RCAN2: variants seen among roughly 807,000 people sequenced by gnomAD.
The protein encoded by RCAN2 is regulator of calcineurin 2.
A neutral mutation model predicts 23.6 loss-of-function variants in RCAN2; 9 were observed. The ratio of observed to expected loss-of-function variants is 0.38; its 90% CI spans 0.23 to 0.67. The LOEUF (loss-of-function observed/expected upper bound fraction) is 0.67. Among genes scored for constraint, RCAN2 ranks in the 30% least tolerant of loss-of-function variants. The pLI is 0.51. For missense variants in RCAN2, 273 were observed against 302.3 expected (o/e 0.90, Z 0.72); for synonymous variants, 109 against 115.7 (o/e 0.94, Z 0.37).
At chr6:46,475,071 T>A (rs1233259216) in intron 1 of RCAN2, among the ~76,000 whole-genome samples, 1 of 152,242 alleles carries the variant, frequency 6.6e-6, no homozygotes, top group African/African-American at 2.4e-5. Flanking sequence ...TGAGTTTTTT[T>A]ATTTTTCTGT....
chr6:46,425,599 T>A (rs528996021), intron 2 of RCAN2, among the ~76,000 whole-genome samples: 1 of 152,332 alleles, frequency 6.6e-6, no homozygotes, highest in South Asian at 2.1e-4. Flanking sequence ...TCTGCTGATG[T>A]CTTCTTGCTC....
intron 2 of RCAN2, among the ~76,000 whole-genome samples, chr6:46,262,868 G>A (rs936024635): frequency 2.0e-5 from 3 of 152,112 alleles, no homozygotes; most frequent in African/African-American, 7.2e-5. Flanking sequence ...GCCAGTAACA[G>A]CCTTTTCCTC....
intron 2 of RCAN2, among the ~76,000 whole-genome samples, chr6:46,432,808 T>C (rs1017992429): frequency 1.1e-4 from 17 of 152,206 alleles, no homozygotes; most frequent in Non-Finnish European, 4.4e-5. Context: ...GAAGGTGGGA[T>C]ATATGTGACC....
chr6:46,329,469 C>T (rs1183636445), intron 2 of RCAN2, among the ~76,000 whole-genome samples: 2 of 152,156 alleles, frequency 1.3e-5, no homozygotes, highest in Non-Finnish European at 2.9e-5. Flanking sequence ...ATTCTGCTCC[C>T]TGCTTATTCC....
chr6:46,359,666 C>T (rs1764943455), intron 2 of RCAN2, among the ~76,000 whole-genome samples: 2 of 152,036 alleles, frequency 1.3e-5, no homozygotes, highest in South Asian at 2.1e-4. Flanking sequence ...TAATCATGCT[C>T]TGAATGATTT....
At chr6:46,472,629 G>A (rs116639812) in intron 1 of RCAN2, among the ~76,000 whole-genome samples, 1 of 152,284 alleles carries the variant, frequency 6.6e-6, no homozygotes, top group Non-Finnish European at 1.5e-5. Flanking sequence ...TAATTGTGTA[G>A]CTGCCTCTCT....
intron 2 of RCAN2, among the ~76,000 whole-genome samples, chr6:46,335,685 C>T (rs1430710276): frequency 6.6e-6 from 1 of 152,188 alleles, no homozygotes; most frequent in Non-Finnish European, 1.5e-5. Context: ...ATCTTTTTAT[C>T]TCCACTCCCT....
intron 2 of RCAN2, among the ~76,000 whole-genome samples, chr6:46,430,642 G>A (rs573268310): frequency 5.9e-5 from 9 of 152,210 alleles, no homozygotes; most frequent in African/African-American, 1.4e-4. Context: ...CCTTCTCATC[G>A]GGAATGTGGA....
At chr6:46,467,649 C>T (rs1339604623) in intron 1 of RCAN2, among the ~76,000 whole-genome samples, 1 of 152,208 alleles carries the variant, frequency 6.6e-6, no homozygotes, top group African/African-American at 2.4e-5. Context: ...GCTGTGTGAC[C>T]TTGGACATGT....
chr6:46,244,254 C>T (rs553922488), intron 4 of RCAN2, among the ~76,000 whole-genome samples: 3 of 152,322 alleles, frequency 2.0e-5, no homozygotes, highest in Admixed American at 2.0e-4. Flanking sequence ...CCGAGCTCCC[C>T]ATCCCCCATC....
intron 2 of RCAN2, chr6:46,325,435 G>C (rs768634720): frequency 1.9e-6 from 3 of 1,614,176 alleles, no homozygotes; most frequent in Non-Finnish European, 2.5e-6. Flanking sequence ...CCACCACACA[G>C]GCAACCAGAG....
Position 46,221,097 on chromosome 6 carries a change from A to G in RCAN2, c.*2044T>C, listed in dbSNP as rs1765461037. The G allele has an allele frequency of 6.6e-6, 1 of 152,430 alleles. No homozygotes were observed. The highest frequency in any genetic ancestry group is 1.5e-5 in the Non-Finnish European group (1 of 68,022). The allele number at this position is 152,430 out of a possible 1,614,324, so 9.4% of individuals were successfully genotyped here. A position where few individuals can be genotyped will look rare whatever the true frequency, so the allele number is the denominator to read the frequency against. ...CTAAGACTAACTCCAGAGGCCATAC[A>G]CTTCATTGTGTTTCTTTTATGACTA... On this transcript the variant is annotated 3_prime_UTR_variant, in exon 5 of 5. Coordinates refer to ENST00000371374, the MANE Select transcript of RCAN2 (RefSeq NM_001251974.2).
chr6:46,394,044 G>C (rs1243887427), intron 2 of RCAN2, among the ~76,000 whole-genome samples: 2 of 152,182 alleles, frequency 1.3e-5, no homozygotes, highest in Non-Finnish European at 2.9e-5. Flanking sequence ...CAATGTGAAA[G>C]ATGACCGATG....
chr6:46,281,367 T>C (rs1434424455), intron 2 of RCAN2, among the ~76,000 whole-genome samples: 1 of 152,226 alleles, frequency 6.6e-6, no homozygotes, highest in Non-Finnish European at 1.5e-5. Context: ...GAACCACAGA[T>C]TCCTGGAGTT....
At position 46,313,460 on chromosome 6, in the gene RCAN2, G is replaced by C. The variant is rs550024258; in HGVS notation, c.226-64564C>G. On this transcript the variant is annotated intron_variant, in intron 2 of 4. Coordinates refer to ENST00000371374, the MANE Select transcript of RCAN2 (RefSeq NM_001251974.2). The stretch of plus-strand genomic sequence containing the variant: ...CTATACCAGGGCATCAGGAATAATG[G>C]CTCCTATTTATTGATCACCTATATC... 4.6e-5 allele frequency among the ~76,000 whole-genome samples: 7 copies of C among 152,232 alleles called. No individual in the cohort carries two copies. The South Asian group carries it at 1.2e-3, about 27-fold the overall frequency.
At chr6:46,350,368 G>C (rs1227273592) in intron 2 of RCAN2, among the ~76,000 whole-genome samples, 1 of 152,188 alleles carries the variant, frequency 6.6e-6, no homozygotes, top group Admixed American at 6.5e-5. Context: ...TTTACGAGCA[G>C]GTGAGCAGGC....
chr6:46,339,450 C>T (rs1392136869), intron 2 of RCAN2, among the ~76,000 whole-genome samples: 5 of 151,718 alleles, frequency 3.3e-5, no homozygotes, highest in South Asian at 2.1e-4. Flanking sequence ...TATATATAAA[C>T]GGGGGCATAG....
intron 2 of RCAN2, among the ~76,000 whole-genome samples, chr6:46,306,853 T>C (rs1012114421): frequency 2.6e-5 from 4 of 152,116 alleles, no homozygotes; most frequent in African/African-American, 9.7e-5. Flanking sequence ...CTACTTTTTT[T>C]CTCTTTAGTA....
intron 4 of RCAN2, among the ~76,000 whole-genome samples, chr6:46,225,342 C>T: frequency 6.6e-6 from 1 of 152,178 alleles, no homozygotes; most frequent in East Asian, 1.9e-4. Context: ...GTTCTAGATC[C>T]TTGAGGAATT....
Sources: allele counts gnomAD v4.1 joint callset (sites outside exome capture counted in the v4.1 genomes callset), GRCh38; gene constraint gnomAD v4.1.1; transcripts MANE v1.5; gene names NCBI Gene and HGNC (gene_info 2026-07-23, HGNC 2026-07-21).